FADS2: variants seen among roughly 807,000 people sequenced by gnomAD.
FADS2 encodes the protein acyl-CoA 6-desaturase.
In FADS2, 18 loss-of-function variants were observed where a neutral mutation model predicts 61.2. The ratio of observed to expected loss-of-function variants is 0.29; its 90% CI spans 0.20 to 0.44. FADS2 has a LOEUF of 0.44. FADS2 is among the 20% of genes least tolerant of loss of function. The pLI, the probability that FADS2 is intolerant of heterozygous loss-of-function variation, is 1.00. For synonymous variants in FADS2, 203 were observed against 223.9 expected (o/e 0.91, Z 0.83); for missense variants, 322 against 572.7 (o/e 0.56, Z 4.47).
rs561521592 is a variant in FADS2 at position 61,865,567 on chromosome 11, C to A, written c.1284-71C>A. ...ATACATGCCACCTTAATGATGGCCTCCTCAGCCCTTGCACTCCCTGGGGCC... is the reference window on the plus strand; with the variant it reads ...ATACATGCCACCTTAATGATGGCCTACTCAGCCCTTGCACTCCCTGGGGCC... On this transcript the variant is annotated intron_variant, in intron 11 of 11. Transcript: ENST00000278840. This position sits in a 1 kb window ranked among gnomAD's most constrained non-coding sequence, Gnocchi z 4.1. 2.8e-6 allele frequency: 4 copies of A among 1,408,000 alleles called. No homozygotes were observed. The highest frequency in any genetic ancestry group is 4.0e-6 in the Non-Finnish European group (4 of 1,002,650). 87.2% of individuals were successfully genotyped at this position (1,408,000 alleles called of 1,614,324 possible). A position where few individuals can be genotyped will look rare whatever the true frequency, so the allele number is the denominator to read the frequency against.
intron 2 of FADS2, among the ~76,000 whole-genome samples, chr11:61,839,172 TCA>T (rs2067198350): frequency 6.6e-6 from 1 of 152,112 alleles, no homozygotes; most frequent in Non-Finnish European, 1.5e-5. Context: ...TGCCCGGGAC[TCA>T]CAGCCCCCTC....
chr11:61,833,262 C>T (rs1336663273), intron 1 of FADS2, among the ~76,000 whole-genome samples: 1 of 152,220 alleles, frequency 6.6e-6, no homozygotes, highest in African/African-American at 2.4e-5. Context: ...TCTCCCGTTA[C>T]ACTAGGATAG....
chr11:61,816,229 A>G, upstream of FADS2: 1 of 1,591,594 alleles, frequency 6.3e-7, no homozygotes, highest in East Asian at 2.2e-5. This position sits in a 1 kb window ranked among gnomAD's most constrained non-coding sequence, Gnocchi z 7.0. Context: ...CTCCTAGCCT[A>G]CCCAGCTCGG....
At position 61,816,467 on chromosome 11, in the gene FADS2, G is replaced by C; in HGVS notation, c.141+41G>C. The stretch of plus-strand genomic sequence containing the variant: ...TCCGGGCTTTCCTCCGAATTAGTCG[G>C]TGTTTGGCTCGGAGTGCGTAACTCT... On this transcript the variant is annotated intron_variant, in intron 1 of 11. Transcript: ENST00000257261. This position sits in a 1 kb window ranked among gnomAD's most constrained non-coding sequence, Gnocchi z 7.0. 1 of 1,600,974 alleles carries C rather than the reference G, an allele frequency of 6.2e-7. No homozygotes were observed. Among genetic ancestry groups the C allele is most frequent in the Non-Finnish European group, 8.5e-7 (1 of 1,179,612 alleles).
chr11:61,858,115 T>C (rs764398095), intron 7 of FADS2, among the ~76,000 whole-genome samples: 1 of 152,132 alleles, frequency 6.6e-6, no homozygotes, highest in African/African-American at 2.4e-5. Context: ...GTCCTCCCTC[T>C]CGGTACATCA....
rs1396462461 is a variant in FADS2, at chr11:61,865,708, A to G, written c.*19A>G. On this transcript the variant is annotated 3_prime_UTR_variant, in exon 12 of 12. Coordinates refer to ENST00000278840, the MANE Select transcript of FADS2 (RefSeq NM_004265.4). This position sits in a 1 kb window ranked among gnomAD's most constrained non-coding sequence, Gnocchi z 4.1. ...CAAATGAAGCCACAGCCCCCGGGAC[A>G]CCGTGGGGAAGGGGTGCAGGTGGGG... 6.2e-7 allele frequency: 1 copy of G among 1,603,490 alleles called. No individual in the cohort carries two copies. The highest frequency in any genetic ancestry group is 1.3e-5 in the African/African-American group (1 of 74,722).
intron 1 of FADS2, among the ~76,000 whole-genome samples, chr11:61,834,701 C>T (rs1283558472): frequency 1.3e-5 from 2 of 152,196 alleles, no homozygotes; most frequent in African/African-American, 4.8e-5. Flanking sequence ...TTATCAGCCA[C>T]TGCAGCTGCT....
intron 5 of FADS2, among the ~76,000 whole-genome samples, chr11:61,853,277 TCCCTC>T (rs1240389907): frequency 4.2e-5 from 2 of 48,036 alleles, no homozygotes; most frequent in Non-Finnish European, 7.5e-5. Flanking sequence ...CTCCCTCCCT[TCCCTC>T]CCTCCCTCCC....
At chr11:61,846,106 C>G (rs929802190) in intron 4 of FADS2, among the ~76,000 whole-genome samples, 2 of 151,676 alleles carry the variant, frequency 1.3e-5, no homozygotes, top group East Asian at 1.9e-4. Context: ...ATTCCTCGAG[C>G]CTCTAAGCTT....
chr11:61,846,305 C>T (rs1262453540), intron 4 of FADS2, among the ~76,000 whole-genome samples: 3 of 151,872 alleles, frequency 2.0e-5, no homozygotes, highest in East Asian at 1.9e-4. Flanking sequence ...TTAGTAGAGA[C>T]GGGGTTTCTC....
intron 1 of FADS2, among the ~76,000 whole-genome samples, chr11:61,820,002 C>T (rs1226735324): frequency 1.3e-5 from 2 of 151,990 alleles, no homozygotes; most frequent in Non-Finnish European, 2.9e-5. Flanking sequence ...GCAGGTGGAC[C>T]ACCTGAGGCC....
At chr11:61,857,423 A>T in intron 6 of FADS2, 31 bp from the exon 7 acceptor site, 1 of 1,598,320 alleles carries the variant, frequency 6.3e-7, no homozygotes, top group Non-Finnish European at 8.6e-7. Flanking sequence ...GGTGGAATGG[A>T]TGCCTCTAAG....
intron 4 of FADS2, among the ~76,000 whole-genome samples, chr11:61,842,109 C>T (rs2067222377): frequency 1.3e-5 from 2 of 152,220 alleles, no homozygotes; most frequent in African/African-American, 4.8e-5. Context: ...TCCATCCCTC[C>T]ACACCCTGGC....
At chr11:61,824,421 AG>A (rs1565325091), upstream of FADS2, among the ~76,000 whole-genome samples, 2 of 11,098 alleles carry the variant, frequency 1.8e-4, no homozygotes, top group Non-Finnish European at 5.1e-4. Context: ...AGAGAGAGAG[AG>A]AGAGAGAGAG....
At chr11:61,842,496 G>T (rs1204015239) in intron 4 of FADS2, among the ~76,000 whole-genome samples, 1 of 152,256 alleles carries the variant, frequency 6.6e-6, no homozygotes, top group African/African-American at 2.4e-5. Context: ...CGGGCAGGGG[G>T]GATTGTTCCT....
chr11:61,844,293 G>A (rs768971002), intron 4 of FADS2, among the ~76,000 whole-genome samples: 16 of 152,246 alleles, frequency 1.1e-4, no homozygotes, highest in South Asian at 2.1e-4. Context: ...TGGCTTGGCC[G>A]GGTGTGGTGG....
chr11:61,855,218 G>T (rs1043345398), intron 5 of FADS2: 1 of 152,414 alleles, frequency 6.6e-6, no homozygotes, highest in Non-Finnish European at 1.5e-5. Flanking sequence ...GGCCCAGCCC[G>T]AGAGGGATGG....
At chr11:61,834,867 A>G (rs934346820) in intron 1 of FADS2, among the ~76,000 whole-genome samples, 3 of 151,676 alleles carry the variant, frequency 2.0e-5, no homozygotes, top group African/African-American at 7.3e-5. Context: ...CTCATTTTGC[A>G]TAGGCGGCTG....
Position 61,850,891 on chromosome 11 carries a change from G to C in FADS2, c.744+2607G>C, listed in dbSNP as rs563317437. 2.6e-5 allele frequency among the ~76,000 whole-genome samples: 4 copies of C among 152,256 alleles called. No homozygotes were observed. In the South Asian group the frequency reaches 8.3e-4, roughly 32 times the overall value. On this transcript the variant is annotated intron_variant, in intron 5 of 11. Coordinates refer to ENST00000278840, the MANE Select transcript of FADS2 (RefSeq NM_004265.4). Reference sequence around the variant, plus strand: ...CGCCTAAGGCTTGGAACAAGGCGAGGAGACAGCCTGGCTCCCCAGTTCTGG... The same window carrying C: ...CGCCTAAGGCTTGGAACAAGGCGAGCAGACAGCCTGGCTCCCCAGTTCTGG...
Sources: allele counts gnomAD v4.1 joint callset (sites outside exome capture counted in the v4.1 genomes callset), GRCh38; gene constraint gnomAD v4.1.1; non-coding constraint Gnocchi (gnomAD v3.1); transcripts MANE v1.5; gene names NCBI Gene and HGNC (gene_info 2026-07-23, HGNC 2026-07-21).